DAB1: variants seen among roughly 807,000 people sequenced by gnomAD.
DAB1 encodes disabled homolog 1.
DAB1 carries 15 observed loss-of-function variants against 64.6 expected under a neutral mutation model. The observed-to-expected ratio is 0.23, with a 90% confidence interval of 0.16 to 0.36. The LOEUF (loss-of-function observed/expected upper bound fraction) is 0.36. Among genes scored for constraint, DAB1 ranks in the 10% least tolerant of loss-of-function variants. The pLI, the probability that DAB1 is intolerant of heterozygous loss-of-function variation, is 1.00. For missense variants in DAB1, 596 were observed against 706.7 expected (o/e 0.84, Z 1.78); for synonymous variants, 235 against 251.9 (o/e 0.93, Z 0.64).
At chr1:58,442,439 A>ACACATCTAC (rs1553182667) in intron 3 of DAB1, among the ~76,000 whole-genome samples, 1 of 152,018 alleles carries the variant, frequency 6.6e-6, no homozygotes, top group Non-Finnish European at 1.5e-5. Flanking sequence ...CTCTGCAAAC[A>ACACATCTAC]CACATCCACA....
At chr1:57,683,248 C>A (rs972302747) in intron 6 of DAB1, among the ~76,000 whole-genome samples, 1 of 152,142 alleles carries the variant, frequency 6.6e-6, no homozygotes, top group African/African-American at 2.4e-5. Context: ...CTTGAAAGAA[C>A]GTGGTCTATC....
intron 4 of DAB1, among the ~76,000 whole-genome samples, chr1:58,226,643 A>C (rs543456282): frequency 6.6e-6 from 1 of 152,342 alleles, no homozygotes; most frequent in South Asian, 2.1e-4. Flanking sequence ...AGTAGCTGAC[A>C]TTTATTGAAT....
chr1:57,307,734 T>G (rs1674319705), intron 1 of DAB1, among the ~76,000 whole-genome samples: 1 of 151,998 alleles, frequency 6.6e-6, no homozygotes, highest in Non-Finnish European at 1.5e-5. Context: ...TCGTATCTGT[T>G]GAATCTAGGC....
chr1:57,101,513 T>C (rs1429125790), intron 4 of DAB1, among the ~76,000 whole-genome samples: 4 of 152,192 alleles, frequency 2.6e-5, no homozygotes, highest in Non-Finnish European at 5.9e-5. Context: ...CTGAACCAAA[T>C]CCAATCATCT....
chr1:57,860,181 G>GA (rs924858666), intron 1 of DAB1, among the ~76,000 whole-genome samples: 14 of 152,004 alleles, frequency 9.2e-5, no homozygotes, highest in African/African-American at 2.9e-4. Flanking sequence ...GTAACACATA[G>GA]AAAAAAAATT....
intron 7 of DAB1, chr1:57,070,587 A>G (rs1347631184): frequency 1.2e-5 from 2 of 171,486 alleles, no homozygotes; most frequent in Non-Finnish European, 2.5e-5. Context: ...TCCTCCTCAT[A>G]GCCTTTCTAA....
intron 7 of DAB1, among the ~76,000 whole-genome samples, chr1:57,569,720 C>T (rs1283890031): frequency 1.3e-5 from 2 of 152,142 alleles, no homozygotes; most frequent in East Asian, 1.9e-4. Context: ...ATGTTGTGCA[C>T]ATGTATCCTA....
At chr1:57,244,366 A>G (rs1209845591) in intron 2 of DAB1, among the ~76,000 whole-genome samples, 1 of 152,164 alleles carries the variant, frequency 6.6e-6, no homozygotes, top group Non-Finnish European at 1.5e-5. Flanking sequence ...GAATAAATGA[A>G]CAAAGGAACA....
At chr1:57,288,412 G>T (rs1370053514) in intron 2 of DAB1, among the ~76,000 whole-genome samples, 1 of 152,148 alleles carries the variant, frequency 6.6e-6, no homozygotes, top group Non-Finnish European at 1.5e-5. Flanking sequence ...CAGTGGCATG[G>T]TGTTTGGAAA....
chr1:57,516,037 C>T (rs1644460400), intron 7 of DAB1, among the ~76,000 whole-genome samples: 1 of 152,200 alleles, frequency 6.6e-6, no homozygotes. Flanking sequence ...CGTGTATAGA[C>T]TCTTTCTTCC....
At chr1:58,527,594 T>TG (rs1225677681) in intron 1 of DAB1, among the ~76,000 whole-genome samples, 9 of 152,208 alleles carry the variant, frequency 5.9e-5, no homozygotes, top group Non-Finnish European at 1.3e-4. Context: ...AGGAATTTAC[T>TG]TCTATTTTTC....
chr1:58,240,484 C>CAGACTT (rs1000152764), intron 4 of DAB1, among the ~76,000 whole-genome samples: 36 of 152,200 alleles, frequency 2.4e-4, no homozygotes, highest in African/African-American at 8.7e-4. Context: ...CCTAAACACT[C>CAGACTT]AGACTTTTAT....
rs188322264 is a variant in DAB1 at position 57,820,814 on chromosome 1, A to G, written n.551+63185T>C. Reference sequence around the variant, plus strand: ...TGGTTTAGTCCCCTTTCTGTCAAAAAGAGTATTAAGTAATATGAAGAAGCA... The same window carrying G: ...TGGTTTAGTCCCCTTTCTGTCAAAAGGAGTATTAAGTAATATGAAGAAGCA... On this transcript the variant is annotated intron_variant and non_coding_transcript_variant, in intron 6 of 20. Transcript: ENST00000485760. Among the ~76,000 whole-genome samples the G allele has an allele frequency of 6.0e-4, 91 of 152,352 alleles. 1 individual carries two copies. Among genetic ancestry groups the G allele is most frequent in the African/African-American group, 2.1e-3 (86 of 41,588 alleles).
intron 5 of DAB1, among the ~76,000 whole-genome samples, chr1:57,928,427 C>T (rs922966962): frequency 6.6e-6 from 1 of 152,100 alleles, no homozygotes; most frequent in African/African-American, 2.4e-5. Context: ...ACATTTGTTA[C>T]AATTCATGAA....
At chr1:58,312,537 G>C (rs1662452894) in intron 4 of DAB1, among the ~76,000 whole-genome samples, 2 of 152,166 alleles carry the variant, frequency 1.3e-5, no homozygotes, top group African/African-American at 4.8e-5. Context: ...TTATCCTTTT[G>C]ATGCATCCGA....
At chr1:58,049,939 G>A (rs899442150) in intron 5 of DAB1, among the ~76,000 whole-genome samples, 1 of 152,140 alleles carries the variant, frequency 6.6e-6, no homozygotes. Context: ...TGAAAAGGGG[G>A]CATGCAGGAA....
intron 3 of DAB1, chr1:58,462,860 C>T (rs755897858): frequency 4.6e-5 from 7 of 152,130 alleles, no homozygotes; most frequent in Non-Finnish European, 8.8e-5. Flanking sequence ...AGAACTGAAA[C>T]ATGTACAGAA....
At chr1:58,481,222 G>A (rs2100348228) in intron 3 of DAB1, 1 of 618,578 alleles carries the variant, frequency 1.6e-6, no homozygotes, top group African/African-American at 1.9e-5. Context: ...ATACATCAAT[G>A]TATTCAGATT....
chr1:58,392,791 G>A (rs2100556520), intron 3 of DAB1, among the ~76,000 whole-genome samples: 1 of 152,310 alleles, frequency 6.6e-6, no homozygotes, highest in Non-Finnish European at 1.5e-5. Flanking sequence ...CTTGGCTAAG[G>A]TACTGGTCTC....
Sources: gnomAD v4.1 joint callset for allele counts (sites outside exome capture counted in the v4.1 genomes callset) on GRCh38, gnomAD v4.1.1 for gene constraint, MANE v1.5 for transcripts, NCBI Gene and HGNC (gene_info 2026-07-23, HGNC 2026-07-21) for gene names.